ZNF385B: variants seen among roughly 807,000 people sequenced by gnomAD.
ZNF385B encodes zinc finger protein 385B, also known as zinc finger protein 533.
A neutral mutation model predicts 39.2 loss-of-function variants in ZNF385B; 23 were observed. The observed-to-expected ratio is 0.59, with a 90% confidence interval of 0.42 to 0.83. The LOEUF (loss-of-function observed/expected upper bound fraction) is 0.83. Ranked by LOEUF, ZNF385B falls within the 40% of genes least tolerant of loss-of-function variation. The pLI is 0.00. For missense variants in ZNF385B, 552 were observed against 598.9 expected (o/e 0.92, Z 0.82); for synonymous variants, 205 against 222.6 (o/e 0.92, Z 0.70).
chr2:179,451,944 A>T (rs1404854362), intron 6 of ZNF385B, among the ~76,000 whole-genome samples: 7 of 152,136 alleles, frequency 4.6e-5, no homozygotes, highest in Non-Finnish European at 7.4e-5. Flanking sequence ...ATAAAGATGC[A>T]TGTCATCTGG....
Position 179,769,511 on chromosome 2 carries a change from C to T in ZNF385B, c.290G>A (p.Ser97Asn), listed in dbSNP as rs1703889226. ...GGGACCCTGCCTCCTACCTGTGCTGCTGTTGCTGCTGGGGCTGGCCTGGGC... is the reference window on the plus strand; with the variant it reads ...GGGACCCTGCCTCCTACCTGTGCTGTTGTTGCTGCTGGGGCTGGCCTGGGC... Reference protein sequence around the residue: ...PPAQASPSSNSSTGSTCHTTT... With the variant: ...PPAQASPSSNNSTGSTCHTTT... Residue 97 changes from serine (S) to asparagine (N), a missense_variant, in exon 3 of 10, where the codon AGC becomes AAC. Physicochemically the swap from Ser to Asn is conservative, Grantham distance 46. Transcript: ENST00000410066. 1 of 1,613,806 alleles carries T rather than the reference C, an allele frequency of 6.2e-7. No individual in the cohort carries two copies. The highest frequency in any genetic ancestry group is 8.5e-7 in the Non-Finnish European group (1 of 1,179,964).
intron 3 of ZNF385B, among the ~76,000 whole-genome samples, chr2:179,756,479 G>A (rs1703028188): frequency 6.6e-6 from 1 of 152,114 alleles, no homozygotes; most frequent in Non-Finnish European, 1.5e-5. Context: ...TTCTCAAGGA[G>A]TATCTTTGTG....
intron 3 of ZNF385B, among the ~76,000 whole-genome samples, chr2:179,652,576 C>T (rs1020744013): frequency 2.0e-5 from 3 of 152,144 alleles, no homozygotes; most frequent in African/African-American, 4.8e-5. Context: ...CAGTCACCCT[C>T]ATCCAAAACA....
intron 3 of ZNF385B, among the ~76,000 whole-genome samples, chr2:179,740,741 A>T: frequency 6.6e-6 from 1 of 152,192 alleles, no homozygotes; most frequent in Non-Finnish European, 1.5e-5. Flanking sequence ...TTTCCTAAAG[A>T]GCATAGTTTA....
intron 3 of ZNF385B, among the ~76,000 whole-genome samples, chr2:179,741,134 T>C (rs1165154661): frequency 6.6e-6 from 1 of 152,180 alleles, no homozygotes; most frequent in Non-Finnish European, 1.5e-5. Flanking sequence ...AACAGGTTCC[T>C]GGTTTGAATG....
Position 179,451,148 on chromosome 2 carries a change from T to C in ZNF385B, c.716-4378A>G, listed in dbSNP as rs544983062. Among the ~76,000 whole-genome samples, 9 of 149,800 alleles carry C rather than the reference T, an allele frequency of 6.0e-5. No homozygotes were observed. The East Asian group carries it at 1.8e-3, about 29-fold the overall frequency. On this transcript the variant is annotated intron_variant, in intron 6 of 9. Coordinates refer to ENST00000410066, the MANE Select transcript of ZNF385B (RefSeq NM_152520.6). ...ATAGCATTAGGAGATATACCTAATG[T>C]TAAATGACGAGTTAGTGGGTTCAGC... is the stretch of plus-strand genomic sequence containing the variant.
At chr2:179,754,305 C>G (rs1438500864) in intron 3 of ZNF385B, among the ~76,000 whole-genome samples, 1 of 152,136 alleles carries the variant, frequency 6.6e-6, no homozygotes, top group African/African-American at 2.4e-5. Flanking sequence ...GGTGGATAAG[C>G]TTTTTGATGT....
intron 3 of ZNF385B, among the ~76,000 whole-genome samples, chr2:179,647,270 A>T (rs1692800355): frequency 1.3e-5 from 2 of 150,748 alleles, no homozygotes; most frequent in East Asian, 1.9e-4. Context: ...AGTTCCTTTA[A>T]TCTTTTTTTT....
At position 179,625,134 on chromosome 2, in the gene ZNF385B, A is replaced by T. The variant is rs1321929717; in HGVS notation, c.299-80165T>A. On this transcript the variant is annotated intron_variant, in intron 3 of 9. Coordinates refer to ENST00000410066, the MANE Select transcript of ZNF385B (RefSeq NM_152520.6). ...TGGTGATGTAGATATTTTCTAGTCC[A>T]GACTCACTGTCTCCTCCATAAAACT... Among the ~76,000 whole-genome samples the T allele has an allele frequency of 2.6e-5, 4 of 152,204 alleles. No individual in the cohort carries two copies. In the East Asian group the frequency reaches 7.7e-4, roughly 29 times the overall value.
At chr2:179,628,896 G>A (rs539956693) in intron 3 of ZNF385B, among the ~76,000 whole-genome samples, 1 of 152,144 alleles carries the variant, frequency 6.6e-6, no homozygotes, top group Non-Finnish European at 1.5e-5. Flanking sequence ...TTTACAGAAT[G>A]AATTTATACC....
chr2:179,519,474 A>AT (rs1402116907), intron 4 of ZNF385B, among the ~76,000 whole-genome samples: 2 of 152,168 alleles, frequency 1.3e-5, no homozygotes, highest in Non-Finnish European at 2.9e-5. Flanking sequence ...ATAGCTTGTG[A>AT]TTTTCCCCTT....
rs942661660 is a variant in ZNF385B at position 179,739,175 on chromosome 2, C to T, written c.298+30328G>A. 2.6e-5 allele frequency among the ~76,000 whole-genome samples: 4 copies of T among 152,144 alleles called. No homozygotes were observed. The South Asian group carries it at 8.3e-4, about 31-fold the overall frequency. On this transcript the variant is annotated intron_variant, in intron 3 of 9. Transcript: ENST00000410066. ...ATTAAATGAGTTTATACATATAAAA[C>T]GTCTTGCATATGGTTAGCTTGAAAG...
intron 3 of ZNF385B, among the ~76,000 whole-genome samples, chr2:179,549,825 A>T (rs531248947): frequency 6.7e-6 from 1 of 149,372 alleles, no homozygotes; most frequent in Admixed American, 6.7e-5. Context: ...TCCATTAGGG[A>T]AGACAGAGTA....
intron 3 of ZNF385B, among the ~76,000 whole-genome samples, chr2:179,607,398 C>T (rs1386556633): frequency 6.6e-6 from 1 of 151,874 alleles, no homozygotes; most frequent in African/African-American, 2.4e-5. Context: ...GTGGCACCTC[C>T]TCCCTCACTG....
chr2:179,606,183 C>A lies in ZNF385B; in HGVS notation c.299-61214G>T, dbSNP rs148099978. ...CAGAGTTGATAAAATGATCAACTAGCAGAAAACATGGTTCTGCTAGTTGTG... is the reference window on the plus strand; with the variant it reads ...CAGAGTTGATAAAATGATCAACTAGAAGAAAACATGGTTCTGCTAGTTGTG... On this transcript the variant is annotated intron_variant, in intron 3 of 9. Coordinates refer to ENST00000410066, the MANE Select transcript of ZNF385B (RefSeq NM_152520.6). Among the ~76,000 whole-genome samples the A allele has an allele frequency of 2.8e-3, 433 of 152,172 alleles. 2 individuals carry two copies. The highest frequency in any genetic ancestry group is 9.8e-3 in the African/African-American group (408 of 41,532).
At chr2:179,735,594 G>T (rs1437128535) in intron 3 of ZNF385B, among the ~76,000 whole-genome samples, 3 of 144,416 alleles carry the variant, frequency 2.1e-5, no homozygotes, top group African/African-American at 7.7e-5. Flanking sequence ...TATGTTTATT[G>T]CAGCATTATT....
chr2:179,789,147 C>A (rs745362071), intron 1 of ZNF385B, among the ~76,000 whole-genome samples: 2 of 151,816 alleles, frequency 1.3e-5, no homozygotes, highest in Non-Finnish European at 2.9e-5. Flanking sequence ...TGACTTAATT[C>A]TATTATAGAA....
At chr2:179,548,581 T>G (rs949334120) in intron 3 of ZNF385B, among the ~76,000 whole-genome samples, 2 of 149,452 alleles carry the variant, frequency 1.3e-5, no homozygotes, top group African/African-American at 5.0e-5. Flanking sequence ...GTGTAATTTA[T>G]AAAGAAAAAG....
chr2:179,789,131 C>T (rs577342658), intron 1 of ZNF385B, among the ~76,000 whole-genome samples: 43 of 151,842 alleles, frequency 2.8e-4, no homozygotes, highest in African/African-American at 1.0e-3. Flanking sequence ...AAGAAGTGGT[C>T]GACTTTGACT....
Sources: allele counts gnomAD v4.1 joint callset (sites outside exome capture counted in the v4.1 genomes callset), GRCh38; gene constraint gnomAD v4.1.1; transcripts MANE v1.5; gene names NCBI Gene and HGNC (gene_info 2026-07-23, HGNC 2026-07-21).